The following SOX5 variants were observed in gnomAD, a reference collection of about 807,000 sequenced individuals.
The protein encoded by SOX5 is SRY-box transcription factor 5.
Under a neutral mutation model 92.0 loss-of-function variants are expected in SOX5, and 9 were observed. That is an observed-to-expected ratio of 0.10 (90% CI 0.06 to 0.17). The LOEUF (loss-of-function observed/expected upper bound fraction) is 0.17. SOX5 is among the 10% of genes least tolerant of loss of function. SOX5 has a pLI of 1.00. For missense variants in SOX5, 642 were observed against 944.5 expected, an observed-to-expected ratio of 0.68 and a Z score of 4.20; for synonymous variants, 344 against 336.3, an observed-to-expected ratio of 1.02 and a Z score of -0.25.
At chr12:24,383,404 C>T (rs1958033020) in intron 1 of SOX5, among the ~76,000 whole-genome samples, 1 of 152,190 alleles carries the variant, frequency 6.6e-6, no homozygotes, top group Admixed American at 6.5e-5. Flanking sequence ...ATGGGTCCTC[C>T]CTTATCCATG....
intron 1 of SOX5, among the ~76,000 whole-genome samples, chr12:24,552,631 G>A (rs1182771590): frequency 2.6e-5 from 4 of 152,158 alleles, no homozygotes; most frequent in East Asian, 1.9e-4. Context: ...TATGCAACAC[G>A]CATCTGTGTG....
intron 1 of SOX5, among the ~76,000 whole-genome samples, chr12:23,913,833 AG>A (rs2097380551): frequency 6.6e-6 from 1 of 152,098 alleles, no homozygotes; most frequent in Non-Finnish European, 1.5e-5. Flanking sequence ...GTTCCCCCAT[AG>A]AACTCCAATG....
intron 4 of SOX5, among the ~76,000 whole-genome samples, chr12:24,062,082 G>A (rs559740274): frequency 1.3e-5 from 2 of 152,160 alleles, no homozygotes; most frequent in Admixed American, 1.3e-4. Context: ...CTTTGTACAG[G>A]GTGTACATAT....
intron 10 of SOX5, among the ~76,000 whole-genome samples, chr12:23,575,370 C>A (rs943748621): frequency 6.6e-6 from 1 of 152,184 alleles, no homozygotes; most frequent in Non-Finnish European, 1.5e-5. Flanking sequence ...CATTCTGGAA[C>A]CATCATTGCT....
At chr12:23,662,168 T>G (rs1010734) in intron 7 of SOX5, among the ~76,000 whole-genome samples, 49,086 of 151,260 alleles carry the variant, frequency 0.32, 8,398 homozygotes, top group African/African-American at 0.45. Context: ...CATATATATA[T>G]ATAGAGAGAG....
At chr12:24,374,135 A>C (rs1957006973) in intron 1 of SOX5, among the ~76,000 whole-genome samples, 1 of 152,154 alleles carries the variant, frequency 6.6e-6, no homozygotes, top group African/African-American at 2.4e-5. Context: ...AGGGATGAAG[A>C]GCTCAGAGGC....
chr12:23,788,759 G>C (rs1356744788), intron 3 of SOX5, among the ~76,000 whole-genome samples: 1 of 151,826 alleles, frequency 6.6e-6, no homozygotes, highest in South Asian at 2.1e-4. Context: ...TGAATAAACT[G>C]ATGAAATAAG....
chr12:24,494,263 T>C (rs1181215889), intron 1 of SOX5, among the ~76,000 whole-genome samples: 1 of 152,152 alleles, frequency 6.6e-6, no homozygotes, highest in Non-Finnish European at 1.5e-5. Context: ...CTTGCACCTA[T>C]AAAGAATATA....
chr12:24,415,127 G>T (rs766463197), intron 1 of SOX5, among the ~76,000 whole-genome samples: 1 of 152,096 alleles, frequency 6.6e-6, no homozygotes, highest in African/African-American at 2.4e-5. Context: ...AGGCTTTGTG[G>T]TTTTTAATAT....
chr12:24,478,640 A>T (rs755211435), intron 1 of SOX5, among the ~76,000 whole-genome samples: 2 of 152,116 alleles, frequency 1.3e-5, no homozygotes, highest in Non-Finnish European at 2.9e-5. Context: ...GCATCCTTTT[A>T]GTTACCTGAA....
chr12:23,684,126 T>G (rs2087116858), intron 6 of SOX5, among the ~76,000 whole-genome samples: 1 of 152,054 alleles, frequency 6.6e-6, no homozygotes, highest in Non-Finnish European at 1.5e-5. Flanking sequence ...TAACTAGAAA[T>G]GTGCTCTACT....
chr12:23,734,590 T>C, intron 6 of SOX5, 94 bp downstream of exon 6: 1 of 925,672 alleles, frequency 1.1e-6, no homozygotes. Flanking sequence ...AAAGTCATTT[T>C]TATTTTGGAG....
chr12:24,058,412 C>G (rs1297207491), intron 4 of SOX5, among the ~76,000 whole-genome samples: 2 of 152,178 alleles, frequency 1.3e-5, no homozygotes, highest in African/African-American at 2.4e-5. Flanking sequence ...CAGGCAGAGA[C>G]CAGTACTACC....
intron 1 of SOX5, among the ~76,000 whole-genome samples, chr12:24,450,908 T>A (rs563980935): frequency 2.0e-5 from 3 of 152,318 alleles, no homozygotes; most frequent in Admixed American, 2.0e-4. Context: ...CTTATTGTTT[T>A]GATTTTTTGT....
chr12:23,612,412 A>G (rs949221059), intron 8 of SOX5, among the ~76,000 whole-genome samples: 1 of 152,118 alleles, frequency 6.6e-6, no homozygotes, highest in Non-Finnish European at 1.5e-5. Flanking sequence ...TTTCATCCTC[A>G]GTGATAAAGT....
At chr12:23,868,023 C>G (rs1371431483) in intron 2 of SOX5, among the ~76,000 whole-genome samples, 2 of 151,700 alleles carry the variant, frequency 1.3e-5, no homozygotes, top group African/African-American at 4.8e-5. Context: ...CTTCCTTCCT[C>G]CCTTTTTTCT....
chr12:23,841,341 C>A (rs747592070), intron 3 of SOX5, among the ~76,000 whole-genome samples: 2 of 152,092 alleles, frequency 1.3e-5, no homozygotes, highest in Non-Finnish European at 2.9e-5. Flanking sequence ...TAGAAACTTA[C>A]ATTCATTCCT....
intron 3 of SOX5, among the ~76,000 whole-genome samples, chr12:24,233,645 C>T (rs7294845): frequency 0.31 from 47,868 of 152,050 alleles, 7,923 homozygotes; most frequent in African/African-American, 0.38. Context: ...AAGGCAACAC[C>T]TAGTTGGTAA....
chr12:24,148,683 T>G (rs1951336944), intron 4 of SOX5, among the ~76,000 whole-genome samples: 1 of 72,176 alleles, frequency 1.4e-5, no homozygotes, highest in Admixed American at 2.1e-4. Context: ...GACCCCCATC[T>G]CTACTAAAAA....
Sources: gnomAD v4.1 joint callset for allele counts (sites outside exome capture counted in the v4.1 genomes callset) on GRCh38, gnomAD v4.1.1 for gene constraint, MANE v1.5 for transcripts, NCBI Gene and HGNC (gene_info 2026-07-23, HGNC 2026-07-21) for gene names.